Variants in KLHL18 observed in about 807,000 individuals in gnomAD.
KLHL18 encodes kelch like family member 18.
In KLHL18, 38 loss-of-function variants were observed where a neutral mutation model predicts 58.5. That is an observed-to-expected ratio of 0.65 (90% confidence interval 0.50 to 0.85). The LOEUF is 0.85. Among genes scored for constraint, KLHL18 ranks in the 40% least tolerant of loss-of-function variants. The probability of loss-of-function intolerance (pLI) is 0.00; values close to 1 mark genes in which losing one functional copy is unlikely to be tolerated. For missense variants in KLHL18, 624 were observed against 778.4 expected, an observed-to-expected ratio of 0.80 and a Z score of 2.36; for synonymous variants, 303 against 301.9, an observed-to-expected ratio of 1.00 and a Z score of -0.04.
In KLHL18 at chr3:47,336,644, G is replaced by C; in HGVS notation, c.1008G>C (p.Gly336=). 1 of 1,614,244 alleles carries C rather than the reference G, an allele frequency of 6.2e-7. No individual in the cohort carries two copies. Among genetic ancestry groups the C allele is most frequent in the Non-Finnish European group, 8.5e-7 (1 of 1,180,044 alleles). The part of the protein sequence containing the change: ...RSRVGVAVVN[G]LLYAIGGYDG... ...GCGTTGGCGTGGCTGTGGTGAACGG[G>C]CTTCTCTATGCCATCGGAGGATATG... The change falls in exon 7 of 10, where the codon GGG becomes GGC. Residue 336 remains glycine (G), a synonymous_variant. Coordinates refer to ENST00000232766, the MANE Select transcript of KLHL18 (RefSeq NM_025010.5).
At chr3:47,319,504 C>G in intron 1 of KLHL18, 149 bp from the exon 2 acceptor site, 1 of 707,106 alleles carries the variant, frequency 1.4e-6, no homozygotes, top group Non-Finnish European at 2.4e-6. Context: ...AAGCCTTGGC[C>G]TCCATGCCCT....
chr3:47,335,295 A>G (rs937663920), intron 6 of KLHL18, among the ~76,000 whole-genome samples: 3 of 152,186 alleles, frequency 2.0e-5, no homozygotes, highest in Non-Finnish European at 2.9e-5. Context: ...GAAAGTCCCC[A>G]AGAGAAAGAT....
At chr3:47,306,774 T>A (rs1424012548) in intron 1 of KLHL18, among the ~76,000 whole-genome samples, 1 of 152,200 alleles carries the variant, frequency 6.6e-6, no homozygotes, top group Non-Finnish European at 1.5e-5. Context: ...AGCTCTTCTG[T>A]CCATCCACAT....
chr3:47,328,287 G>A (rs1703772097), intron 3 of KLHL18, among the ~76,000 whole-genome samples: 1 of 151,296 alleles, frequency 6.6e-6, no homozygotes, highest in South Asian at 2.1e-4. Context: ...GATCACTTGA[G>A]CTCAAGAGGT....
chr3:47,298,156 G>T (rs1163197010), intron 1 of KLHL18, among the ~76,000 whole-genome samples: 1 of 151,980 alleles, frequency 6.6e-6, no homozygotes, highest in African/African-American at 2.4e-5. Context: ...GATGCAGAAG[G>T]AAGCCTTAAA....
intron 3 of KLHL18, among the ~76,000 whole-genome samples, chr3:47,323,476 A>G (rs912571808): frequency 2.6e-5 from 4 of 152,204 alleles, no homozygotes; most frequent in Non-Finnish European, 5.9e-5. Flanking sequence ...TCCATTGGGA[A>G]CTATCATTGT....
intron 1 of KLHL18, chr3:47,297,698 C>T: frequency 2.2e-6 from 1 of 449,646 alleles, no homozygotes; most frequent in East Asian, 7.0e-5. Flanking sequence ...AATTTTGTTA[C>T]TTGTTTGTAT....
At chr3:47,308,578 A>G (rs1273590541) in intron 1 of KLHL18, among the ~76,000 whole-genome samples, 1 of 152,048 alleles carries the variant, frequency 6.6e-6, no homozygotes, top group Non-Finnish European at 1.5e-5. Context: ...TTTAGTAGAG[A>G]CGGGGTTTCA....
intron 1 of KLHL18, among the ~76,000 whole-genome samples, chr3:47,309,937 G>C (rs1423504584): frequency 1.3e-5 from 2 of 151,172 alleles, no homozygotes; most frequent in African/African-American, 4.9e-5. Context: ...CAGAGATGGC[G>C]GAGTACAGTC....
intron 1 of KLHL18, among the ~76,000 whole-genome samples, chr3:47,288,275 G>T (rs527450270): frequency 4.1e-5 from 6 of 146,486 alleles, no homozygotes; most frequent in Non-Finnish European, 7.5e-5. Flanking sequence ...TAATTCATTA[G>T]CCTGCTCTTT....
chr3:47,298,371 A>AAG (rs1553629793), intron 1 of KLHL18, among the ~76,000 whole-genome samples: 11 of 151,256 alleles, frequency 7.3e-5, no homozygotes, highest in South Asian at 6.3e-4. Flanking sequence ...AAAAAAAAAA[A>AAG]AGAGAAAAAA....
At chr3:47,330,217 T>C in intron 4 of KLHL18, 68 bp downstream of exon 4, 1 of 1,426,016 alleles carries the variant, frequency 7.0e-7, no homozygotes, top group East Asian at 2.4e-5. Context: ...ATTGTTTTGT[T>C]TATGTATTTT....
Position 47,330,014 on chromosome 3 carries a change from G to A in KLHL18, c.465G>A (p.Leu155=). 1 of 1,614,082 alleles carries A rather than the reference G, an allele frequency of 6.2e-7. No homozygotes were observed. The highest frequency in any genetic ancestry group is 8.5e-7 in the Non-Finnish European group (1 of 1,180,044). ...CTGAGACAATGATGTGTGCTGTGCT[G>A]TACGACGCTGCCAACAGCTTCATCC... ...QFAETMMCAV[L]YDAANSFIHQ... is the part of the protein sequence containing the mutation. Residue 155 remains leucine (L), a synonymous_variant, in exon 4 of 10, where the codon CTG becomes CTA. Coordinates refer to ENST00000232766, the MANE Select transcript of KLHL18 (RefSeq NM_025010.5).
intron 1 of KLHL18, among the ~76,000 whole-genome samples, chr3:47,287,626 T>C (rs1702704493): frequency 1.3e-5 from 2 of 151,952 alleles, no homozygotes; most frequent in South Asian, 4.2e-4. Flanking sequence ...GCTGGGATTA[T>C]AGCTACATAC....
rs1323404653 is a variant in KLHL18 at position 47,330,104 on chromosome 3, T to A, written c.555T>A (p.Leu185=). Residue 185 remains leucine (L), a synonymous_variant, in exon 4 of 10, where the codon CTT becomes CTA. Coordinates refer to ENST00000232766, the MANE Select transcript of KLHL18 (RefSeq NM_025010.5). ...TGGCCCTGCCCTTGGAAGACGTGCT[T>A]GAGCTGGTGTCTCGGGATGAGCTGA... ...EFLALPLEDV[L]ELVSRDELNV... 1 of 1,614,110 alleles carries A rather than the reference T, an allele frequency of 6.2e-7. No individual in the cohort carries two copies.
chr3:47,290,523 T>G (rs532074605), intron 1 of KLHL18, among the ~76,000 whole-genome samples: 2 of 152,134 alleles, frequency 1.3e-5, no homozygotes, highest in East Asian at 3.9e-4. Flanking sequence ...AGTACAGTGG[T>G]GGATCACAGC....
At chr3:47,314,399 G>T (rs1703374460) in intron 1 of KLHL18, among the ~76,000 whole-genome samples, 1 of 152,178 alleles carries the variant, frequency 6.6e-6, no homozygotes, top group South Asian at 2.1e-4. Flanking sequence ...AGAATTGGAA[G>T]GCCTCTAAGT....
chr3:47,306,221 AT>A (rs1703145457), intron 1 of KLHL18, among the ~76,000 whole-genome samples: 1 of 151,968 alleles, frequency 6.6e-6, no homozygotes, highest in African/African-American at 2.4e-5. Flanking sequence ...TTTCACTTTC[AT>A]TCATTCAATG....
At chr3:47,340,486 A>G (rs553152461) in intron 7 of KLHL18, 86 bp from the exon 8 acceptor site, 87 of 1,595,132 alleles carry the variant, frequency 5.5e-5, no homozygotes, top group Admixed American at 1.4e-4. Context: ...GAAAGAGGCA[A>G]TTGATAGGTT....
Sources: allele counts gnomAD v4.1 joint callset (sites outside exome capture counted in the v4.1 genomes callset), GRCh38; gene constraint gnomAD v4.1.1; transcripts MANE v1.5; gene names NCBI Gene and HGNC (gene_info 2026-07-23, HGNC 2026-07-21).